RAB8B: variants seen among roughly 807,000 people sequenced by gnomAD.
The protein encoded by RAB8B is RAB8B, member RAS oncogene family.
RAB8B carries 11 observed loss-of-function variants against 32.0 expected under a neutral mutation model. The observed-to-expected ratio is 0.34, with a 90% CI of 0.22 to 0.57. The LOEUF is 0.57. RAB8B is among the 20% of genes least tolerant of loss of function. The probability of loss-of-function intolerance (pLI) is 0.86; values close to 1 mark genes in which losing one functional copy is unlikely to be tolerated. For missense variants in RAB8B, 190 were observed against 258.5 expected (o/e 0.73, Z 1.82); for synonymous variants, 103 against 89.6 (o/e 1.15, Z -0.85).
chr15:63,195,454 G>A (rs2037592318), intron 1 of RAB8B, among the ~76,000 whole-genome samples: 1 of 152,260 alleles, frequency 6.6e-6, no homozygotes, highest in South Asian at 2.1e-4. Context: ...GCAAGTCAGG[G>A]AGGAGGTTCT....
chr15:63,223,823 G>C (rs987207513), intron 1 of RAB8B: 2 of 412,914 alleles, frequency 4.8e-6, no homozygotes, highest in African/African-American at 4.2e-5. Context: ...TTTTTCTTTT[G>C]TCTTTATATT....
At chr15:63,228,076 A>T (rs970900681) in intron 1 of RAB8B, among the ~76,000 whole-genome samples, 11 of 151,748 alleles carry the variant, frequency 7.2e-5, no homozygotes, top group Non-Finnish European at 1.5e-4. Context: ...CAGGTTGGAG[A>T]CACAAACATG....
intron 1 of RAB8B, among the ~76,000 whole-genome samples, chr15:63,230,649 G>C (rs2037929099): frequency 6.6e-6 from 1 of 152,194 alleles, no homozygotes. Context: ...AAGAGGATGA[G>C]AGAAGGCAGA....
intron 1 of RAB8B, among the ~76,000 whole-genome samples, chr15:63,192,748 T>C (rs1185277464): frequency 6.6e-6 from 1 of 152,218 alleles, no homozygotes; most frequent in Non-Finnish European, 1.5e-5. Flanking sequence ...ACAGTCATTT[T>C]GATTCCAGAT....
intron 6 of RAB8B, among the ~76,000 whole-genome samples, chr15:63,260,119 C>T (rs1305358588): frequency 6.6e-6 from 1 of 152,220 alleles, no homozygotes; most frequent in Non-Finnish European, 1.5e-5. Context: ...AGGCGTGAGC[C>T]ACCATACCCA....
At chr15:63,211,855 A>G (rs1426263390) in intron 1 of RAB8B, among the ~76,000 whole-genome samples, 2 of 152,096 alleles carry the variant, frequency 1.3e-5, no homozygotes, top group East Asian at 3.9e-4. Flanking sequence ...TTTTAGAGAC[A>G]GGATTTCACT....
At chr15:63,222,318 T>C (rs1458150695) in intron 1 of RAB8B, among the ~76,000 whole-genome samples, 1 of 152,136 alleles carries the variant, frequency 6.6e-6, no homozygotes, top group African/African-American at 2.4e-5. Context: ...CTCTTCCTTT[T>C]GTCTCTCCGG....
chr15:63,217,024 C>T (rs145893291), intron 1 of RAB8B, among the ~76,000 whole-genome samples: 8 of 152,230 alleles, frequency 5.3e-5, no homozygotes, highest in Non-Finnish European at 1.0e-4. Flanking sequence ...CTATGTTTCT[C>T]TTAGTTCCAC....
intron 1 of RAB8B, among the ~76,000 whole-genome samples, chr15:63,195,113 C>G (rs967102059): frequency 1.3e-5 from 2 of 152,274 alleles, no homozygotes; most frequent in African/African-American, 4.8e-5. Flanking sequence ...GTTTCAACTT[C>G]TCAAACAAAA....
chr15:63,254,120 G>T (rs1026215246), intron 3 of RAB8B, among the ~76,000 whole-genome samples: 7 of 152,132 alleles, frequency 4.6e-5, no homozygotes, highest in African/African-American at 1.7e-4. Context: ...GCGGTCTCTG[G>T]TTCAACATCA....
Position 63,192,135 on chromosome 15 carries a change from C to G in RAB8B, c.124+2387C>G, listed in dbSNP as rs1595730504. Among the ~76,000 whole-genome samples, 4 of 152,264 alleles carry G rather than the reference C, an allele frequency of 2.6e-5. No individual in the cohort carries two copies. The South Asian group carries it at 8.3e-4, about 32-fold the overall frequency. On this transcript the variant is annotated intron_variant, in intron 1 of 7. Transcript: ENST00000321437. ...AGTTGACGTGGAGGAGGGGAAATCC[C>G]ATACCTCTTATTTAGCCCCAGAGCT...
At chr15:63,211,522 C>A (rs781732329) in intron 1 of RAB8B, among the ~76,000 whole-genome samples, 12 of 152,276 alleles carry the variant, frequency 7.9e-5, no homozygotes, top group Non-Finnish European at 1.5e-4. Context: ...TAGAGAGAGC[C>A]ATAGTTTGAT....
chr15:63,192,820 G>T (rs912985689), intron 1 of RAB8B, among the ~76,000 whole-genome samples: 1 of 152,172 alleles, frequency 6.6e-6, no homozygotes, highest in Non-Finnish European at 1.5e-5. Context: ...TTGGCTGGGT[G>T]TGGTGGCTCA....
At chr15:63,192,367 C>T (rs2037563274) in intron 1 of RAB8B, among the ~76,000 whole-genome samples, 1 of 152,214 alleles carries the variant, frequency 6.6e-6, no homozygotes, top group African/African-American at 2.4e-5. Context: ...AGCAGCCACT[C>T]CCTCCATGCC....
At chr15:63,215,464 G>C (rs953560245) in intron 1 of RAB8B, among the ~76,000 whole-genome samples, 2 of 152,174 alleles carry the variant, frequency 1.3e-5, no homozygotes, top group Non-Finnish European at 2.9e-5. Context: ...AGTTAACGCT[G>C]TATCTTTGTC....
At position 63,263,518 on chromosome 15, in the gene RAB8B, AT is replaced by A; in HGVS notation, c.532-3del. Reference sequence around the variant, plus strand: ...TATTTCCTTGGTAACTTCATCTTCTATTTTTTAGAATGACAGCAATTCAGCA... The same window carrying A: ...TATTTCCTTGGTAACTTCATCTTCTATTTTTAGAATGACAGCAATTCAGCA... On this transcript the variant is annotated splice_polypyrimidine_tract_variant and splice_region_variant and intron_variant, in intron 7 of 7. Coordinates refer to ENST00000321437, the MANE Select transcript of RAB8B (RefSeq NM_016530.3). 1.3e-6 allele frequency: 2 copies of A among 1,573,424 alleles called. No individual in the cohort carries two copies. The highest frequency in any genetic ancestry group is 1.7e-6 in the Non-Finnish European group (2 of 1,158,870).
intron 2 of RAB8B, among the ~76,000 whole-genome samples, chr15:63,245,726 C>T (rs1304919946): frequency 6.6e-6 from 1 of 152,066 alleles, no homozygotes; most frequent in Non-Finnish European, 1.5e-5. Flanking sequence ...GAAGTGTTTC[C>T]GATTTTGGAT....
chr15:63,216,234 A>ATTTT (rs1212796355), intron 1 of RAB8B, among the ~76,000 whole-genome samples: 9 of 133,278 alleles, frequency 6.8e-5, no homozygotes, highest in African/African-American at 2.5e-4. Flanking sequence ...ATTAATTATT[A>ATTTT]TTTTTTTTTT....
chr15:63,249,754 G>A, intron 3 of RAB8B, 49 bp downstream of exon 3: 2 of 1,552,932 alleles, frequency 1.3e-6, no homozygotes, highest in Non-Finnish European at 1.8e-6. Context: ...AGTAAAGCAT[G>A]AATGTTTGTT....
Sources: allele counts gnomAD v4.1 joint callset (sites outside exome capture counted in the v4.1 genomes callset), GRCh38; gene constraint gnomAD v4.1.1; transcripts MANE v1.5; gene names NCBI Gene and HGNC (gene_info 2026-07-23, HGNC 2026-07-21).